Variants in ARHGAP20 observed in about 807,000 individuals in gnomAD.
ARHGAP20 encodes the protein rho GTPase-activating protein 20.
Under a neutral mutation model 73.7 loss-of-function variants are expected in ARHGAP20, and 34 were observed. The observed-to-expected ratio is 0.46, with a 90% confidence interval of 0.35 to 0.61. ARHGAP20 has a LOEUF of 0.61. Among genes scored for constraint, ARHGAP20 ranks in the 20% least tolerant of loss-of-function variants. The probability of loss-of-function intolerance (pLI) is 0.00; values close to 1 mark genes in which losing one functional copy is unlikely to be tolerated. For synonymous variants in ARHGAP20, 523 were observed against 518.2 expected (o/e 1.01, Z -0.13); for missense variants, 1,314 against 1,420.9 (o/e 0.92, Z 1.21).
chr11:110,615,948 T>C (rs1465155068), intron 4 of ARHGAP20, among the ~76,000 whole-genome samples: 2 of 152,204 alleles, frequency 1.3e-5, no homozygotes, highest in Admixed American at 1.3e-4. Context: ...CAAAATTATA[T>C]GCAAGCTAGA....
In ARHGAP20 at chr11:110,663,731, T is replaced by C. The variant is rs1383360343; in HGVS notation, c.188+26816A>G. 2.6e-5 allele frequency among the ~76,000 whole-genome samples: 4 copies of C among 152,162 alleles called. No individual in the cohort carries two copies. In the East Asian group the frequency reaches 7.7e-4, roughly 29 times the overall value. On this transcript the variant is annotated intron_variant, in intron 2 of 14. Coordinates refer to ENST00000683387, the MANE Select transcript of ARHGAP20 (RefSeq NM_001384657.1). ...TTCCAGAAAATTTAAGGGGAGAGAATAGCTCCCAATCCAATCAAAAGGCCA... is the reference window on the plus strand; with the variant it reads ...TTCCAGAAAATTTAAGGGGAGAGAACAGCTCCCAATCCAATCAAAAGGCCA...
intron 9 of ARHGAP20, among the ~76,000 whole-genome samples, chr11:110,605,003 C>T (rs1948190914): frequency 1.3e-5 from 2 of 152,092 alleles, no homozygotes; most frequent in African/African-American, 4.8e-5. Context: ...ATTAATGATA[C>T]CAAGTAGTCT....
intron 7 of ARHGAP20, among the ~76,000 whole-genome samples, chr11:110,609,289 C>G (rs901312402): frequency 3.9e-5 from 6 of 152,102 alleles, no homozygotes; most frequent in African/African-American, 1.4e-4. Flanking sequence ...AAAGGCTAAT[C>G]TCTTCTTTAG....
At chr11:110,699,950 C>T (rs747254235) in intron 1 of ARHGAP20, among the ~76,000 whole-genome samples, 38 of 151,904 alleles carry the variant, frequency 2.5e-4, no homozygotes, top group Non-Finnish European at 3.5e-4. Flanking sequence ...AAATAGGTAA[C>T]TGAAGAAAAA....
chr11:110,617,804 G>A (rs534854827), intron 4 of ARHGAP20, among the ~76,000 whole-genome samples: 3 of 152,140 alleles, frequency 2.0e-5, no homozygotes, highest in East Asian at 3.9e-4. Context: ...CTATCTCTGC[G>A]TTTTATAAAT....
intron 2 of ARHGAP20, among the ~76,000 whole-genome samples, chr11:110,644,680 T>C (rs189578611): frequency 9.2e-5 from 14 of 152,230 alleles, no homozygotes; most frequent in Admixed American, 3.9e-4. Context: ...TGTAGGACTA[T>C]AAAAATCCTA....
rs551916777 is a variant in ARHGAP20 at position 110,666,819 on chromosome 11, CAT to C, written c.188+23726_188+23727del. ...TGTTTTGGGGCACTGTGAATTAACA[CAT>C]GAGTGATAAGAACGTGATATAGCCT... On this transcript the variant is annotated intron_variant, in intron 2 of 14. Transcript: ENST00000683387. Among the ~76,000 whole-genome samples the C allele has an allele frequency of 4.4e-4, 67 of 152,320 alleles. No individual in the cohort carries two copies. In the East Asian group the frequency reaches 0.011, roughly 24 times the overall value.
Position 110,578,841 on chromosome 11 carries a change from A to G in ARHGAP20, c.*529T>C. On this transcript the variant is annotated 3_prime_UTR_variant, in exon 15 of 15. Transcript: ENST00000683387. ...GACACGTGATTAGTAAGATCCCACAAAAATGGCCACTGGCTTAGATTTAGG... is the reference window on the plus strand; with the variant it reads ...GACACGTGATTAGTAAGATCCCACAGAAATGGCCACTGGCTTAGATTTAGG... The G allele has an allele frequency of 1.0e-6, 1 of 985,956 alleles. No individual in the cohort carries two copies. The highest frequency in any genetic ancestry group is 1.1e-4 in the East Asian group (1 of 8,824). The allele number at this position is 985,956 out of a possible 1,614,324, so 61.1% of individuals were successfully genotyped here.
At chr11:110,611,515 AT>A in intron 6 of ARHGAP20, 129 bp from the exon 7 acceptor site, 2 of 480,660 alleles carry the variant, frequency 4.2e-6, no homozygotes, top group Non-Finnish European at 7.2e-6. Flanking sequence ...CAAGCATAAG[AT>A]TTAGGTAGAA....
intron 2 of ARHGAP20, among the ~76,000 whole-genome samples, chr11:110,686,521 G>A (rs1325362700): frequency 2.0e-5 from 3 of 151,924 alleles, no homozygotes; most frequent in Admixed American, 6.6e-5. Context: ...TATTACTTTT[G>A]TCAATTGTAA....
chr11:110,582,293 C>T, intron 14 of ARHGAP20, 28 bp downstream of exon 14: 2 of 1,554,476 alleles, frequency 1.3e-6, no homozygotes, highest in East Asian at 2.2e-5. Flanking sequence ...CTGTTTCTCA[C>T]AAAAACCAAT....
intron 1 of ARHGAP20, among the ~76,000 whole-genome samples, chr11:110,708,563 T>C (rs529269088): frequency 6.6e-6 from 1 of 152,292 alleles, no homozygotes; most frequent in East Asian, 1.9e-4. Flanking sequence ...TGAAATGAAC[T>C]ATCGATACAC....
chr11:110,666,784 C>G (rs141652680), intron 2 of ARHGAP20, among the ~76,000 whole-genome samples: 2 of 152,110 alleles, frequency 1.3e-5, no homozygotes, highest in Non-Finnish European at 2.9e-5. Flanking sequence ...TTTGATGTTA[C>G]TATTGTAATT....
At chr11:110,672,785 T>C (rs1346248345) in intron 2 of ARHGAP20, among the ~76,000 whole-genome samples, 2 of 152,252 alleles carry the variant, frequency 1.3e-5, no homozygotes, top group Non-Finnish European at 2.9e-5. Flanking sequence ...TTGATAGGTA[T>C]GTTAAATGGT....
chr11:110,692,511 GATCTGCCATTCAGCAGCTTTAC>G (rs1159044189), intron 1 of ARHGAP20, among the ~76,000 whole-genome samples: 5 of 151,984 alleles, frequency 3.3e-5, no homozygotes, highest in Non-Finnish European at 7.4e-5. Context: ...TGACCTTGAG[GATCTGCCATTCAGCAGCTTTAC>G]ATCTGCTTTC....
intron 12 of ARHGAP20, among the ~76,000 whole-genome samples, chr11:110,585,868 TC>T (rs1266627971): frequency 1.3e-5 from 2 of 152,184 alleles, no homozygotes; most frequent in African/African-American, 2.4e-5. Flanking sequence ...ACAGAATAAG[TC>T]ATTTTCTCTG....
Position 110,578,292 on chromosome 11 carries a change from T to G in ARHGAP20, c.*1078A>C. On this transcript the variant is annotated 3_prime_UTR_variant, in exon 15 of 15. Transcript: ENST00000683387. ...GGCCTGGCAGCCACTTTGTTGGGTA[T>G]TCTATTGTGGGACTCCTTATAACCG... 1.0e-6 allele frequency: 1 copy of G among 985,476 alleles called. No homozygotes were observed. The highest frequency in any genetic ancestry group is 1.2e-6 in the Non-Finnish European group (1 of 829,932). 61.0% of individuals were successfully genotyped at this position (985,476 alleles called of 1,614,324 possible).
intron 9 of ARHGAP20, among the ~76,000 whole-genome samples, chr11:110,605,656 G>C (rs938487849): frequency 6.6e-6 from 1 of 152,222 alleles, no homozygotes; most frequent in African/African-American, 2.4e-5. Flanking sequence ...TTAATGCTAT[G>C]TCAGTTGAAT....
intron 2 of ARHGAP20, among the ~76,000 whole-genome samples, chr11:110,631,596 C>A (rs764889545): frequency 6.6e-6 from 1 of 152,144 alleles, no homozygotes; most frequent in Non-Finnish European, 1.5e-5. Flanking sequence ...GGTTATGAGA[C>A]CCCCAAGTTG....
Sources: gnomAD v4.1 joint callset for allele counts (sites outside exome capture counted in the v4.1 genomes callset) on GRCh38, gnomAD v4.1.1 for gene constraint, MANE v1.5 for transcripts, NCBI Gene and HGNC (gene_info 2026-07-23, HGNC 2026-07-21) for gene names.